CCDC3: variants seen among roughly 807,000 people sequenced by gnomAD.
CCDC3 encodes coiled-coil domain containing 3, also known as coiled-coil domain-containing protein 3.
In CCDC3, 24 loss-of-function variants were observed where a neutral mutation model predicts 21.4. The ratio of observed to expected loss-of-function variants is 1.12; its 90% CI spans 0.81 to 1.58. The LOEUF is 1.58. Ranked by LOEUF, CCDC3 falls within the 40% of genes most tolerant of loss-of-function variation. The pLI is 0.00. For synonymous variants in CCDC3, 186 were observed against 166.0 expected (o/e 1.12, Z -0.93); for missense variants, 425 against 360.9 (o/e 1.18, Z -1.44).
intron 2 of CCDC3, among the ~76,000 whole-genome samples, chr10:12,943,305 A>G (rs1297669063): frequency 6.6e-6 from 1 of 152,116 alleles, no homozygotes; most frequent in East Asian, 1.9e-4. Flanking sequence ...TGGAACCCCC[A>G]TCTTGGCCAA....
chr10:13,004,938 A>T (rs1220260739), upstream of CCDC3, among the ~76,000 whole-genome samples: 1 of 152,046 alleles, frequency 6.6e-6, no homozygotes, highest in East Asian at 1.9e-4. Flanking sequence ...GGTCACAAAT[A>T]TCTTCACACT....
chr10:13,026,994 T>C (rs150865281), intron 5 of CCDC3, among the ~76,000 whole-genome samples: 84 of 152,340 alleles, frequency 5.5e-4, no homozygotes, highest in African/African-American at 2.0e-3. Context: ...TCATAAGCAA[T>C]TAAGCAAAGG....
At position 12,921,198 on chromosome 10, in the gene CCDC3, A is replaced by G. The variant is rs142585613; in HGVS notation, c.550-22519T>C. 4.2e-3 allele frequency among the ~76,000 whole-genome samples: 640 copies of G among 152,338 alleles called. 6 individuals carry two copies. The highest frequency in any genetic ancestry group is 0.014 in the African/African-American group (586 of 41,574). On this transcript the variant is annotated intron_variant, in intron 2 of 2. Coordinates refer to ENST00000378825, the MANE Select transcript of CCDC3 (RefSeq NM_031455.4). ...GAGCAGTCTGGGTATTCAATTTAAA[A>G]TGAATTAAGGAGGCAATTGAGGAAG...
intron 2 of CCDC3, among the ~76,000 whole-genome samples, chr10:12,929,172 T>C (rs1189739742): frequency 6.8e-6 from 1 of 147,142 alleles, no homozygotes; most frequent in Non-Finnish European, 1.5e-5. Flanking sequence ...TAAGGCAGGA[T>C]AATTGCTTGA....
intron 2 of CCDC3, among the ~76,000 whole-genome samples, chr10:12,936,311 A>G (rs764191832): frequency 8.5e-5 from 13 of 152,118 alleles, no homozygotes; most frequent in Non-Finnish European, 1.6e-4. Context: ...GAAGTTGGAT[A>G]CACTTCTTAT....
At chr10:13,040,492 G>A (rs1210368359) in intron 5 of CCDC3, among the ~76,000 whole-genome samples, 1 of 152,078 alleles carries the variant, frequency 6.6e-6, no homozygotes, top group African/African-American at 2.4e-5. Flanking sequence ...ATTACCTGAG[G>A]TCAGCCTGAC....
intron 2 of CCDC3, among the ~76,000 whole-genome samples, chr10:12,960,975 T>C (rs1355109509): frequency 1.3e-5 from 2 of 152,114 alleles, no homozygotes; most frequent in African/African-American, 4.8e-5. Flanking sequence ...ATAGGGTCTC[T>C]CAGTGGGAGA....
intron 3 of CCDC3, among the ~76,000 whole-genome samples, chr10:13,079,430 C>T (rs1837006060): frequency 8.0e-6 from 1 of 125,286 alleles, no homozygotes; most frequent in African/African-American, 3.1e-5. Context: ...AGGAAGGGAA[C>T]ACTGGAGGAG....
intron 2 of CCDC3, among the ~76,000 whole-genome samples, chr10:12,933,579 A>C (rs1399752851): frequency 6.6e-5 from 10 of 151,182 alleles, no homozygotes; most frequent in African/African-American, 2.4e-4. Context: ...TGCCTCAGCC[A>C]CCAAAGCAGC....
chr10:13,000,802 AG>A (rs1835836007), intron 1 of CCDC3, among the ~76,000 whole-genome samples: 2 of 152,202 alleles, frequency 1.3e-5, no homozygotes, highest in East Asian at 3.9e-4. Flanking sequence ...AATCACGGTT[AG>A]GAAGGGCAGA....
intron 2 of CCDC3, among the ~76,000 whole-genome samples, chr10:12,988,385 C>T (rs745838497): frequency 5.3e-5 from 8 of 151,962 alleles, no homozygotes; most frequent in Non-Finnish European, 1.2e-4. Context: ...TCGTTCTTGT[C>T]GCCCAGGCTG....
intron 2 of CCDC3, among the ~76,000 whole-genome samples, chr10:12,989,598 T>C (rs1283652480): frequency 1.3e-5 from 2 of 151,982 alleles, no homozygotes; most frequent in East Asian, 3.9e-4. Flanking sequence ...ATTTTTGTAT[T>C]TTAGGTAGAG....
At chr10:12,969,744 A>G (rs973110520) in intron 2 of CCDC3, among the ~76,000 whole-genome samples, 1 of 149,774 alleles carries the variant, frequency 6.7e-6, no homozygotes, top group Non-Finnish European at 1.5e-5. Flanking sequence ...TAATATTTTT[A>G]AAAAATATTT....
chr10:12,997,758 A>G (rs1027484422), intron 2 of CCDC3, among the ~76,000 whole-genome samples: 1 of 152,192 alleles, frequency 6.6e-6, no homozygotes, highest in Non-Finnish European at 1.5e-5. Flanking sequence ...TTTAAGCATT[A>G]CGCTAACGGA....
chr10:13,029,785 T>A (rs555680962), intron 5 of CCDC3, among the ~76,000 whole-genome samples: 6 of 152,038 alleles, frequency 3.9e-5, no homozygotes, highest in African/African-American at 1.4e-4. Context: ...AAGAGAAGTT[T>A]AGAGAAAAAA....
At chr10:13,023,623 C>T (rs1836175985) in intron 5 of CCDC3, among the ~76,000 whole-genome samples, 1 of 152,158 alleles carries the variant, frequency 6.6e-6, no homozygotes. Flanking sequence ...GGGAACTACA[C>T]AAAGCTCTGA....
chr10:13,044,502 T>C (rs1474711316), intron 5 of CCDC3, among the ~76,000 whole-genome samples: 5 of 152,220 alleles, frequency 3.3e-5, no homozygotes, highest in African/African-American at 1.2e-4. Flanking sequence ...AAATCCTTAA[T>C]CCATCTTGAG....
chr10:13,083,109 G>A (rs1395839558), intron 3 of CCDC3, among the ~76,000 whole-genome samples: 1 of 152,238 alleles, frequency 6.6e-6, no homozygotes, highest in Non-Finnish European at 1.5e-5. Context: ...TTAACAAGCA[G>A]TGAGTTCAGG....
chr10:13,035,392 A>C (rs1415240173), intron 5 of CCDC3, among the ~76,000 whole-genome samples: 2 of 152,242 alleles, frequency 1.3e-5, no homozygotes, highest in Admixed American at 6.5e-5. Flanking sequence ...ATAAAATAAA[A>C]AATAAATGCT....
Sources: allele counts gnomAD v4.1 joint callset (sites outside exome capture counted in the v4.1 genomes callset), GRCh38; gene constraint gnomAD v4.1.1; transcripts MANE v1.5; gene names NCBI Gene and HGNC (gene_info 2026-07-23, HGNC 2026-07-21).